Variants in ALPL observed in about 807,000 individuals in gnomAD.
ALPL encodes alkaline phosphatase, tissue-nonspecific isozyme.
Under a neutral mutation model 51.3 loss-of-function variants are expected in ALPL, and 42 were observed. The observed-to-expected ratio is 0.82, with a 90% CI of 0.64 to 1.06. The LOEUF (loss-of-function observed/expected upper bound fraction) is 1.06, where lower values mean the gene tolerates loss of function less well. ALPL is among the 50% of genes least tolerant of loss of function. ALPL has a pLI of 0.00. For missense variants in ALPL, 589 were observed against 709.4 expected, an observed-to-expected ratio of 0.83 and a Z score of 1.93; for synonymous variants, 279 against 296.4, an observed-to-expected ratio of 0.94 and a Z score of 0.60.
chr1:21,564,230 G>T lies in ALPL; in HGVS notation c.648+14G>T. The stretch of plus-strand genomic sequence containing the variant: ...AGGGACATTGACGTGAGTGCTCGGG[G>T]GCAGCCGGGCAGGGACGGGGTGAGG... On this transcript the variant is annotated intron_variant, in intron 6 of 11. Coordinates refer to ENST00000374840, the MANE Select transcript of ALPL (RefSeq NM_000478.6). The surrounding 1 kb of genome is among the most constrained non-coding windows in gnomAD (Gnocchi z 5.8). The T allele has an allele frequency of 6.2e-7, 1 of 1,612,832 alleles. No homozygotes were observed. Among genetic ancestry groups the T allele is most frequent in the Non-Finnish European group, 8.5e-7 (1 of 1,179,782 alleles).
At chr1:21,576,316 T>C (rs1046449100) in intron 10 of ALPL, among the ~76,000 whole-genome samples, 40 of 148,906 alleles carry the variant, frequency 2.7e-4, no homozygotes, top group Non-Finnish European at 4.6e-4. Context: ...GGTGGATGGA[T>C]GAATGGGAGG....
intron 1 of ALPL, among the ~76,000 whole-genome samples, chr1:21,545,336 G>A (rs948810688): frequency 3.3e-5 from 5 of 151,974 alleles, no homozygotes; most frequent in African/African-American, 1.2e-4. Flanking sequence ...TGTCGCCCAG[G>A]CTGGAGTACA....
intron 1 of ALPL, among the ~76,000 whole-genome samples, chr1:21,527,603 G>A (rs1643965837): frequency 6.8e-6 from 1 of 147,188 alleles, no homozygotes; most frequent in African/African-American, 2.5e-5. Flanking sequence ...AGGCTCAAGT[G>A]TGGTGGTGTG....
At chr1:21,542,560 AGC>A (rs1644200027) in intron 1 of ALPL, among the ~76,000 whole-genome samples, 1 of 152,180 alleles carries the variant, frequency 6.6e-6, no homozygotes, top group South Asian at 2.1e-4. Flanking sequence ...TATAGCTTCC[AGC>A]CAGGCGCAGT....
At chr1:21,536,019 C>T (rs1644101306) in intron 1 of ALPL, among the ~76,000 whole-genome samples, 2 of 152,216 alleles carry the variant, frequency 1.3e-5, no homozygotes, top group Admixed American at 1.3e-4. Flanking sequence ...CATTACCAAA[C>T]TGAAGGGCCT....
At chr1:21,525,654 C>T (rs565384121) in intron 1 of ALPL, among the ~76,000 whole-genome samples, 1 of 152,336 alleles carries the variant, frequency 6.6e-6, no homozygotes, top group South Asian at 2.1e-4. Context: ...GGGTTAGGTG[C>T]TGGAATCACA....
chr1:21,523,223 C>T (rs574204967), intron 1 of ALPL, among the ~76,000 whole-genome samples: 8 of 152,210 alleles, frequency 5.3e-5, no homozygotes, highest in Middle Eastern at 6.8e-3. Flanking sequence ...CACTTGAACC[C>T]GGGAGGCGGA....
intron 1 of ALPL, among the ~76,000 whole-genome samples, chr1:21,553,751 G>A (rs1330570586): frequency 1.3e-5 from 2 of 152,226 alleles, no homozygotes; most frequent in Admixed American, 1.3e-4. Context: ...GGACGGAACT[G>A]CTTTGCAGCA....
At chr1:21,558,428 C>A (rs1644441440) in intron 2 of ALPL, among the ~76,000 whole-genome samples, 1 of 149,906 alleles carries the variant, frequency 6.7e-6, no homozygotes, top group Non-Finnish European at 1.5e-5. Flanking sequence ...TTGAGGAAGG[C>A]AGGAGGGAGG....
intron 1 of ALPL, among the ~76,000 whole-genome samples, chr1:21,535,230 C>T (rs980494207): frequency 1.3e-5 from 2 of 152,144 alleles, no homozygotes; most frequent in African/African-American, 2.4e-5. Context: ...CTTGGGGTGA[C>T]GAGGTCTCCC....
chr1:21,550,445 G>A (rs1196628621), intron 1 of ALPL, among the ~76,000 whole-genome samples: 1 of 152,158 alleles, frequency 6.6e-6, no homozygotes, highest in African/African-American at 2.4e-5. Flanking sequence ...TAGCTGATTA[G>A]TGAAACATCA....
chr1:21,524,148 C>T (rs557814184), intron 1 of ALPL, among the ~76,000 whole-genome samples: 2 of 151,984 alleles, frequency 1.3e-5, no homozygotes, highest in African/African-American at 2.4e-5. Flanking sequence ...GGATTACAGG[C>T]GCGTGCCACC....
chr1:21,527,581 G>A (rs1643965310), intron 1 of ALPL, among the ~76,000 whole-genome samples: 1 of 148,270 alleles, frequency 6.7e-6, no homozygotes, highest in African/African-American at 2.5e-5. Flanking sequence ...TGGAGTTTTG[G>A]CTCTGTTGCT....
intron 1 of ALPL, among the ~76,000 whole-genome samples, chr1:21,516,563 C>T (rs1463621316): frequency 6.6e-6 from 1 of 152,202 alleles, no homozygotes; most frequent in African/African-American, 2.4e-5. Flanking sequence ...ACAAACTCCC[C>T]CAGCTGGGAA....
chr1:21,548,265 G>A (rs1393217661), intron 1 of ALPL, among the ~76,000 whole-genome samples: 2 of 152,232 alleles, frequency 1.3e-5, no homozygotes, highest in African/African-American at 2.4e-5. Context: ...CCTCTGCGAG[G>A]GGGAGGGGTC....
intron 6 of ALPL, among the ~76,000 whole-genome samples, chr1:21,565,318 C>T (rs909266957): frequency 6.6e-6 from 1 of 152,216 alleles, no homozygotes; most frequent in African/African-American, 2.4e-5. Flanking sequence ...GGCCAAGCCA[C>T]TCATCCTGGC....
Position 21,509,763 on chromosome 1 carries a change from C to T in ALPL, c.-105+246C>T, listed in dbSNP as rs1374473839. On this transcript the variant is annotated intron_variant, in intron 1 of 11. Transcript: ENST00000374840. The surrounding 1 kb of genome is among the most constrained non-coding windows in gnomAD (Gnocchi z 6.0). ...GACAGGAGATTGGACGTGGCGCCCG[C>T]GGAGCCGGCGAACTCAGGGGACCGC... Among the ~76,000 whole-genome samples the T allele has an allele frequency of 1.3e-5, 2 of 152,164 alleles. No homozygotes were observed. Among genetic ancestry groups the T allele is most frequent in the Non-Finnish European group, 2.9e-5 (2 of 68,024 alleles).
chr1:21,570,171 G>A, intron 7 of ALPL, 134 bp from the exon 8 acceptor site: 1 of 822,824 alleles, frequency 1.2e-6, no homozygotes, highest in East Asian at 2.6e-5. Context: ...GGTCAGGGAT[G>A]GTGGGTCCTC....
At chr1:21,528,009 TTTTTTTG>T (rs1367855257) in intron 1 of ALPL, among the ~76,000 whole-genome samples, 12 of 108,304 alleles carry the variant, frequency 1.1e-4, no homozygotes, top group African/African-American at 4.7e-4. Context: ...GTGTTTTTTT[TTTTTTTG>T]TTTTTTTGTT....
Sources: allele counts gnomAD v4.1 joint callset (sites outside exome capture counted in the v4.1 genomes callset), GRCh38; gene constraint gnomAD v4.1.1; non-coding constraint Gnocchi (gnomAD v3.1); transcripts MANE v1.5; gene names NCBI Gene and HGNC (gene_info 2026-07-23, HGNC 2026-07-21).